The following MAP7 variants were observed in gnomAD, a reference collection of about 807,000 sequenced individuals.
MAP7 encodes microtubule associated protein 7, also known as ensconsin.
In MAP7, 52 loss-of-function variants were observed where a neutral mutation model predicts 94.8. The observed-to-expected ratio is 0.55, with a 90% CI of 0.44 to 0.69. The LOEUF (loss-of-function observed/expected upper bound fraction) is 0.69. MAP7 is among the 30% of genes least tolerant of loss of function. The probability of loss-of-function intolerance (pLI) is 0.00; values close to 1 mark genes in which losing one functional copy is unlikely to be tolerated. For missense variants in MAP7, 940 were observed against 964.6 expected (o/e 0.97, Z 0.34); for synonymous variants, 350 against 357.0 (o/e 0.98, Z 0.22).
intron 1 of MAP7, among the ~76,000 whole-genome samples, chr6:136,549,549 T>C (rs1342424842): frequency 2.6e-5 from 4 of 152,190 alleles, no homozygotes; most frequent in African/African-American, 7.2e-5. Flanking sequence ...CGTGATCCCC[T>C]GTCCCTAAGT....
intron 9 of MAP7, 105 bp from the exon 10 acceptor site, chr6:136,366,123 T>C (rs777384134): frequency 7.0e-5 from 87 of 1,249,908 alleles, no homozygotes; most frequent in Admixed American, 1.1e-4. Context: ...TTTAGCTCCG[T>C]GTATTTGTTT....
chr6:136,391,148 G>A (rs566360542), intron 3 of MAP7, among the ~76,000 whole-genome samples: 1 of 152,164 alleles, frequency 6.6e-6, no homozygotes, highest in African/African-American at 2.4e-5. Context: ...TGTGAATAGT[G>A]CCGCAATAAA....
Position 136,411,668 on chromosome 6 carries a change from G to A in MAP7, c.196C>T (p.Arg66Trp), listed in dbSNP as rs1288058116. The change falls in exon 3 of 18, where the codon CGG becomes TGG. Residue 66 changes from arginine to tryptophan, a missense_variant. By Grantham distance (101) the Arg-to-Trp change is moderately radical. Transcript: ENST00000354570. ...CGTCGCTCCCGGGCCAGCCGCTGCC[G>A]GTCATCAACACGTAACACAGGCGGA... Reference protein sequence around the residue: ...DPPPVLRVDDRQRLARERREE... With the variant: ...DPPPVLRVDDWQRLARERREE... The A allele has an allele frequency of 1.7e-5, 27 of 1,567,842 alleles. No homozygotes were observed. The Admixed American group carries it at 2.0e-4, about 12-fold the overall frequency.
At chr6:136,516,618 C>G (rs1046227597) in intron 1 of MAP7, among the ~76,000 whole-genome samples, 2 of 152,124 alleles carry the variant, frequency 1.3e-5, no homozygotes, top group African/African-American at 2.4e-5. Flanking sequence ...TATATATGTT[C>G]AATTATAGCC....
chr6:136,505,308 T>TAC (rs1821171323), intron 1 of MAP7, among the ~76,000 whole-genome samples: 1 of 137,664 alleles, frequency 7.3e-6, no homozygotes, highest in Non-Finnish European at 1.5e-5. Flanking sequence ...TATATATATA[T>TAC]ATATAGTAAA....
intron 1 of MAP7, chr6:136,475,886 G>C (rs1327780381): frequency 6.6e-6 from 1 of 151,954 alleles, no homozygotes; most frequent in Non-Finnish European, 1.5e-5. Context: ...GCAATGAAGG[G>C]GTATACTTCC....
At chr6:136,487,807 G>A (rs1171808136) in intron 1 of MAP7, among the ~76,000 whole-genome samples, 6 of 152,106 alleles carry the variant, frequency 3.9e-5, no homozygotes, top group African/African-American at 7.2e-5. Context: ...GTCTAGAGGC[G>A]ATTTCTGTTC....
At chr6:136,482,099 G>C (rs919724515) in intron 1 of MAP7, among the ~76,000 whole-genome samples, 1 of 152,142 alleles carries the variant, frequency 6.6e-6, no homozygotes, top group Non-Finnish European at 1.5e-5. Flanking sequence ...AGTCAGAAAG[G>C]CTCTTATTAA....
chr6:136,365,548 A>C (rs1369042145), intron 10 of MAP7, among the ~76,000 whole-genome samples, 187 bp downstream of exon 10: 1 of 152,172 alleles, frequency 6.6e-6, no homozygotes, highest in Non-Finnish European at 1.5e-5. Context: ...AGCGTTGCTA[A>C]GTAAAAAACT....
At chr6:136,391,719 G>T (rs1183166279) in intron 3 of MAP7, among the ~76,000 whole-genome samples, 3 of 148,458 alleles carry the variant, frequency 2.0e-5, no homozygotes, top group African/African-American at 7.4e-5. Flanking sequence ...TTTACTGAAT[G>T]ACTGAAAAAA....
At chr6:136,366,618 A>C (rs1794398591) in intron 8 of MAP7, among the ~76,000 whole-genome samples, 179 bp from the exon 9 acceptor site, 1 of 152,230 alleles carries the variant, frequency 6.6e-6, no homozygotes, top group Admixed American at 6.5e-5. Flanking sequence ...GAACAGTATA[A>C]CTGAATTAAC....
In MAP7 at chr6:136,381,380, T is replaced by C. The variant is rs749397812; in HGVS notation, c.637+2291A>G. 9.2e-5 allele frequency among the ~76,000 whole-genome samples: 14 copies of C among 152,010 alleles called. 1 individual carries two copies. Among genetic ancestry groups the C allele is most frequent in the Non-Finnish European group, 1.9e-4 (13 of 68,002 alleles). The stretch of plus-strand genomic sequence containing the variant: ...TTTTAGTAGAGATGGGGTTTCGCGA[T>C]GGTGCCCAGGCTGGTCTCAAATTCC... On this transcript the variant is annotated intron_variant, in intron 6 of 17. Transcript: ENST00000354570.
intron 1 of MAP7, among the ~76,000 whole-genome samples, chr6:136,423,424 T>C (rs1158585502): frequency 6.6e-6 from 1 of 152,230 alleles, no homozygotes; most frequent in African/African-American, 2.4e-5. Flanking sequence ...TTCAGGAAAC[T>C]GGGCTTCTAG....
intron 6 of MAP7, among the ~76,000 whole-genome samples, chr6:136,381,687 C>A (rs1777778824): frequency 6.6e-6 from 1 of 152,020 alleles, no homozygotes; most frequent in Non-Finnish European, 1.5e-5. Flanking sequence ...GGTAAGGAGG[C>A]AGAGAAGCAG....
intron 1 of MAP7, among the ~76,000 whole-genome samples, chr6:136,436,915 T>G (rs908115847): frequency 1.3e-5 from 2 of 152,218 alleles, no homozygotes; most frequent in African/African-American, 4.8e-5. Context: ...AACACTGGCC[T>G]GCAGAATGGT....
chr6:136,529,238 C>T (rs1828276311), intron 1 of MAP7, among the ~76,000 whole-genome samples: 1 of 152,112 alleles, frequency 6.6e-6, no homozygotes, highest in African/African-American at 2.4e-5. Flanking sequence ...CCTCAGCCTC[C>T]TGAGTAACTG....
At chr6:136,453,257 G>T (rs1446228716) in intron 1 of MAP7, among the ~76,000 whole-genome samples, 1 of 152,126 alleles carries the variant, frequency 6.6e-6, no homozygotes, top group Non-Finnish European at 1.5e-5. Flanking sequence ...TTTCTCGTGG[G>T]TATAATTTCA....
chr6:136,499,135 G>C (rs199760001), intron 1 of MAP7, among the ~76,000 whole-genome samples: 1 of 152,064 alleles, frequency 6.6e-6, no homozygotes, highest in Non-Finnish European at 1.5e-5. Context: ...GGCCAGGCTG[G>C]TCTTGAACTC....
Position 136,388,437 on chromosome 6 carries a change from G to T in MAP7, c.482C>A (p.Ser161Ter). Residue 161 changes from serine (S) to a stop codon, truncating the protein, a stop_gained, in exon 5 of 18, where the codon TCG becomes TAG. Transcript: ENST00000354570. LOFTEE classifies it high-confidence loss of function. ...GCTCCCATGGAGAGAGCCTCCCCAC[G>T]ACCAACGGTTATGCTTCTGTTTTGG... ...QKPKQKHNRWSWGGSLHGSPS... is the reference protein window; with the variant it reads ...QKPKQKHNRW The T allele has an allele frequency of 6.2e-7, 1 of 1,614,110 alleles. No homozygotes were observed. The highest frequency in any genetic ancestry group is 1.1e-5 in the South Asian group (1 of 91,058).
Sources: allele counts gnomAD v4.1 joint callset (sites outside exome capture counted in the v4.1 genomes callset), GRCh38; gene constraint gnomAD v4.1.1; transcripts MANE v1.5; gene names NCBI Gene and HGNC (gene_info 2026-07-23, HGNC 2026-07-21).